Variants in TIAM2 observed in about 807,000 individuals in gnomAD.
The protein encoded by TIAM2 is rho guanine nucleotide exchange factor TIAM2.
In TIAM2, 80 loss-of-function variants were observed where a neutral mutation model predicts 152.9. The observed-to-expected ratio is 0.52, with a 90% CI of 0.44 to 0.63. TIAM2 has a LOEUF of 0.63. Among genes scored for constraint, TIAM2 ranks in the 30% least tolerant of loss-of-function variants. The pLI is 0.00. For missense variants in TIAM2, 1,965 were observed against 2,120.1 expected (o/e 0.93, Z 1.44); for synonymous variants, 804 against 838.0 (o/e 0.96, Z 0.70).
At chr6:155,165,446 A>G (rs1368769539) in intron 9 of TIAM2, 37 bp downstream of exon 9, 3 of 1,579,046 alleles carry the variant, frequency 1.9e-6, no homozygotes, top group Non-Finnish European at 2.6e-6. Flanking sequence ...GACTAGAGTG[A>G]AATTCCTGAA....
intron 1 of TIAM2, among the ~76,000 whole-genome samples, chr6:155,009,189 C>T (rs776397146): frequency 6.7e-6 from 1 of 148,766 alleles, no homozygotes; most frequent in Non-Finnish European, 1.5e-5. Context: ...GCAGCCTCCA[C>T]CTCCAGGGTT....
At chr6:155,206,579 G>C (rs544389652) in intron 14 of TIAM2, among the ~76,000 whole-genome samples, 10 of 152,294 alleles carry the variant, frequency 6.6e-5, no homozygotes, top group African/African-American at 1.7e-4. Context: ...GCCTGGTCTC[G>C]TGATTGCTCT....
intron 1 of TIAM2, among the ~76,000 whole-genome samples, chr6:155,056,321 A>AC (rs201452442): frequency 0.016 from 2,350 of 151,576 alleles, 75 homozygotes; most frequent in African/African-American, 0.054. Context: ...GTCGGCGCCT[A>AC]CCACCATGCC....
At chr6:155,034,229 T>G (rs1161969344) in intron 1 of TIAM2, among the ~76,000 whole-genome samples, 1 of 151,728 alleles carries the variant, frequency 6.6e-6, no homozygotes, top group Non-Finnish European at 1.5e-5. Flanking sequence ...TTGAGACCTC[T>G]CTTCTGGGGT....
At chr6:155,032,238 G>C (rs1776839197) in intron 1 of TIAM2, among the ~76,000 whole-genome samples, 1 of 152,182 alleles carries the variant, frequency 6.6e-6, no homozygotes. Context: ...GAACCTGCCT[G>C]CTTGTCTGTG....
chr6:155,202,902 AATT>A (rs1285275773), intron 14 of TIAM2, among the ~76,000 whole-genome samples: 32 of 146,718 alleles, frequency 2.2e-4, no homozygotes, highest in African/African-American at 7.5e-4. Context: ...AAAAAAAAAA[AATT>A]AGCCGGATGT....
chr6:155,204,156 C>T (rs1170879749), intron 14 of TIAM2, among the ~76,000 whole-genome samples: 2 of 152,136 alleles, frequency 1.3e-5, no homozygotes, highest in African/African-American at 4.8e-5. Context: ...ATTATCTGAG[C>T]TAGGAATTAC....
Position 155,182,289 on chromosome 6 carries a change from T to C in TIAM2, c.2771T>C (p.Val924Ala). Reference protein sequence around the residue: ...QHLSRIFISDVLPDGLAYGEG... With the variant: ...QHLSRIFISDALPDGLAYGEG... Reference sequence around the variant, plus strand: ...CTCAGCCGGATATTTATAAGCGACGTTCTTCCCGATGGCCTGGCGTATGGG... The same window carrying C: ...CTCAGCCGGATATTTATAAGCGACGCTCTTCCCGATGGCCTGGCGTATGGG... The change falls in exon 13 of 27, where the codon GTT (valine) becomes GCT (alanine). Residue 924 changes from valine (V) to alanine (A), a missense_variant. Val to Ala is a moderately conservative substitution (Grantham distance 64). This residue lies in a region of TIAM2 where 935 missense variants were observed against 980.0 expected (regional missense o/e 0.95). Coordinates refer to ENST00000682666, the MANE Select transcript of TIAM2 (RefSeq NM_012454.4). The C allele has an allele frequency of 6.2e-7, 1 of 1,614,180 alleles. No individual in the cohort carries two copies. Among genetic ancestry groups the C allele is most frequent in the Non-Finnish European group, 8.5e-7 (1 of 1,179,998 alleles).
chr6:155,118,784 C>A (rs1332295419), intron 2 of TIAM2, among the ~76,000 whole-genome samples: 1 of 151,980 alleles, frequency 6.6e-6, no homozygotes, highest in South Asian at 2.1e-4. Context: ...CTCCAAGACC[C>A]ACTTGTTGGG....
chr6:155,005,548 C>T (rs1248341386), intron 1 of TIAM2, among the ~76,000 whole-genome samples: 1 of 152,158 alleles, frequency 6.6e-6, no homozygotes, highest in East Asian at 1.9e-4. Context: ...CCATGTTGGC[C>T]AGGCTGGTCT....
intron 2 of TIAM2, among the ~76,000 whole-genome samples, chr6:155,111,799 G>C (rs1778857814): frequency 6.6e-6 from 1 of 152,098 alleles, no homozygotes; most frequent in South Asian, 2.1e-4. Flanking sequence ...AATAAATGAA[G>C]CTCTTTTTGA....
intron 3 of TIAM2, among the ~76,000 whole-genome samples, chr6:155,128,706 A>T (rs1779358263): frequency 6.6e-6 from 1 of 151,706 alleles, no homozygotes; most frequent in South Asian, 2.1e-4. Flanking sequence ...TTAAAAAAAA[A>T]AAAAAACCCC....
At chr6:155,066,758 G>GT (rs1176365970) in intron 1 of TIAM2, among the ~76,000 whole-genome samples, 2 of 150,104 alleles carry the variant, frequency 1.3e-5, no homozygotes, top group Non-Finnish European at 3.0e-5. Flanking sequence ...AAGTTTGTTT[G>GT]TTTGTTTGTT....
chr6:155,071,011 C>G (rs560523808), intron 1 of TIAM2, among the ~76,000 whole-genome samples: 1 of 152,106 alleles, frequency 6.6e-6, no homozygotes, highest in South Asian at 2.1e-4. Context: ...GTCTCTACTA[C>G]TAATGAAAAA....
intron 9 of TIAM2, among the ~76,000 whole-genome samples, chr6:155,172,379 T>C (rs964850234): frequency 6.6e-6 from 1 of 151,746 alleles, no homozygotes; most frequent in Non-Finnish European, 1.5e-5. Flanking sequence ...TACAGTATAA[T>C]GCCCTGATCC....
Position 155,012,793 on chromosome 6 carries a change from C to T in TIAM2, c.-209+17301C>T, listed in dbSNP as rs537654985. 5.3e-5 allele frequency among the ~76,000 whole-genome samples: 8 copies of T among 152,292 alleles called. No individual in the cohort carries two copies. In the East Asian group the frequency reaches 5.8e-4, roughly 11 times the overall value. On this transcript the variant is annotated intron_variant, in intron 1 of 26. Transcript: ENST00000682666. ...CTCGAACTCCTGACCTCAAGTGATC[C>T]GCCCTACTCGGGCTCCCAAAGTGCT...
At position 155,028,427 on chromosome 6, in the gene TIAM2, AATAT is replaced by A. The variant is rs900172899; in HGVS notation, c.-209+32941_-209+32944del. On this transcript the variant is annotated intron_variant, in intron 1 of 26. Transcript: ENST00000682666. ...ATACTGTGTTACATATACTACATAT[AATAT>A]ATATACTGTGTTACATATACTACAT... Among the ~76,000 whole-genome samples the A allele has an allele frequency of 1.6e-5, 2 of 123,446 alleles. 1 individual carries two copies. The highest frequency in any genetic ancestry group is 5.4e-4 in the South Asian group (2 of 3,724). 81.0% of individuals were successfully genotyped at this position (123,446 alleles called of 152,430 possible).
chr6:155,148,309 A>G lies in TIAM2; in HGVS notation c.2003A>G (p.Lys668Arg). 6.2e-7 allele frequency: 1 copy of G among 1,612,096 alleles called. No individual in the cohort carries two copies. The highest frequency in any genetic ancestry group is 8.5e-7 in the Non-Finnish European group (1 of 1,179,954). ...CAGCTGTCCGTGGTGAGCGACCCAA[A>G]GAACAGGAAAGCCATAGAGAACCAG... ...ELQLSVVSDP[K>R]NRKAIENQIQ... is the part of the protein sequence containing the mutation. The change falls in exon 7 of 27, where the codon AAG becomes AGG. Residue 668 changes from lysine to arginine, a missense_variant. This residue lies in a region of TIAM2 where 1,025 missense variants were observed against 1,119.4 expected (regional missense o/e 0.92). Transcript: ENST00000682666.
intron 1 of TIAM2, among the ~76,000 whole-genome samples, chr6:155,017,631 GTA>G (rs1274296680): frequency 6.6e-6 from 1 of 151,436 alleles, no homozygotes; most frequent in African/African-American, 2.4e-5. Flanking sequence ...AGCCTCCCGA[GTA>G]GCTGGGACTA....
Sources: gnomAD v4.1 joint callset for allele counts (sites outside exome capture counted in the v4.1 genomes callset) on GRCh38, gnomAD v4.1.1 for gene constraint, gnomAD v4.1.1 regional missense constraint, MANE v1.5 for transcripts, NCBI Gene and HGNC (gene_info 2026-07-23, HGNC 2026-07-21) for gene names.